LRFN5: variants seen among roughly 807,000 people sequenced by gnomAD.
LRFN5 encodes leucine-rich repeat and fibronectin type-III domain-containing protein 5.
Under a neutral mutation model 45.6 loss-of-function variants are expected in LRFN5, and 24 were observed. The ratio of observed to expected loss-of-function variants is 0.53; its 90% CI spans 0.38 to 0.74. The LOEUF is 0.74. LRFN5 is among the 30% of genes least tolerant of loss of function. The pLI is 0.00. For missense variants in LRFN5, 776 were observed against 861.5 expected (o/e 0.90, Z 1.24); for synonymous variants, 340 against 313.8 (o/e 1.08, Z -0.88).
chr14:41,734,744 C>T (rs563069467), intron 1 of LRFN5, among the ~76,000 whole-genome samples: 1 of 151,546 alleles, frequency 6.6e-6, no homozygotes, highest in South Asian at 2.1e-4. Context: ...TTATCTCTTC[C>T]TTTCTTGCTG....
At chr14:41,748,650 ATGTGT>A (rs1885013954) in intron 1 of LRFN5, among the ~76,000 whole-genome samples, 1 of 152,182 alleles carries the variant, frequency 6.6e-6, no homozygotes, top group African/African-American at 2.4e-5. Flanking sequence ...TAAATAGTAA[ATGTGT>A]TGTGCATTTT....
intron 1 of LRFN5, among the ~76,000 whole-genome samples, chr14:41,660,697 C>T (rs1449069690): frequency 6.6e-6 from 1 of 151,748 alleles, no homozygotes; most frequent in Non-Finnish European, 1.5e-5. Flanking sequence ...TGATTGTTGG[C>T]CGAACATTCC....
At chr14:41,764,770 G>T (rs1294296392) in intron 1 of LRFN5, among the ~76,000 whole-genome samples, 1 of 139,870 alleles carries the variant, frequency 7.1e-6, no homozygotes, top group Non-Finnish European at 1.6e-5. Context: ...TATTGTGCCT[G>T]TATTTACTAA....
chr14:41,764,886 T>TTATATATGCAGAATA (rs1885815615), intron 1 of LRFN5, among the ~76,000 whole-genome samples: 21 of 123,710 alleles, frequency 1.7e-4, no homozygotes, highest in Admixed American at 2.6e-4. Context: ...ACATATATAT[T>TTATATATGCAGAATA]CATATAAATA....
intron 1 of LRFN5, among the ~76,000 whole-genome samples, chr14:41,721,551 T>C (rs1221185894): frequency 6.6e-6 from 1 of 152,154 alleles, no homozygotes; most frequent in East Asian, 1.9e-4. Flanking sequence ...GAATCTTCTT[T>C]AAGGCTGATA....
chr14:41,790,121 T>A (rs1886866676), intron 2 of LRFN5, among the ~76,000 whole-genome samples: 1 of 151,954 alleles, frequency 6.6e-6, no homozygotes, highest in Admixed American at 6.6e-5. Flanking sequence ...TCTTTGATGA[T>A]TAAAGGACTA....
At chr14:41,894,783 T>C in intron 4 of LRFN5, 1 of 982,072 alleles carries the variant, frequency 1.0e-6, no homozygotes, top group South Asian at 4.7e-5. Context: ...AGAATTTTCA[T>C]TTGTTAGTAC....
At chr14:41,775,115 G>T (rs1406222704) in intron 2 of LRFN5, among the ~76,000 whole-genome samples, 8 of 12,880 alleles carry the variant, frequency 6.2e-4, no homozygotes, top group African/African-American at 3.4e-3. Context: ...TTTTGAGACG[G>T]AGTCTCGCTC....
intron 1 of LRFN5, among the ~76,000 whole-genome samples, chr14:41,677,019 A>G (rs1444446607): frequency 1.3e-5 from 2 of 152,248 alleles, no homozygotes; most frequent in Non-Finnish European, 2.9e-5. Flanking sequence ...GACAAAAGGT[A>G]AAAATATAAC....
intron 1 of LRFN5, among the ~76,000 whole-genome samples, chr14:41,734,858 A>G (rs1566643263): frequency 1.3e-5 from 2 of 152,152 alleles, no homozygotes; most frequent in South Asian, 2.1e-4. Context: ...ATGCTTACAT[A>G]AAATATATTG....
chr14:41,882,770 G>C (rs1373175283), intron 2 of LRFN5, among the ~76,000 whole-genome samples: 18 of 150,744 alleles, frequency 1.2e-4, no homozygotes, highest in Admixed American at 1.1e-3. Context: ...TTTATCCCAA[G>C]TTATGTCAGA....
At chr14:41,792,686 G>A (rs1886969854) in intron 2 of LRFN5, among the ~76,000 whole-genome samples, 1 of 151,936 alleles carries the variant, frequency 6.6e-6, no homozygotes, top group African/African-American at 2.4e-5. Context: ...CCTTAGGGTT[G>A]TCTTCCCTTG....
At chr14:41,721,612 C>T (rs1883716824) in intron 1 of LRFN5, among the ~76,000 whole-genome samples, 1 of 152,052 alleles carries the variant, frequency 6.6e-6, no homozygotes, top group Non-Finnish European at 1.5e-5. Context: ...AAAAATGTAT[C>T]TCCTTTGTTA....
chr14:41,806,258 T>G (rs2138980162), intron 2 of LRFN5, among the ~76,000 whole-genome samples: 1 of 152,278 alleles, frequency 6.6e-6, no homozygotes, highest in Non-Finnish European at 1.5e-5. Context: ...TAGATCATTC[T>G]AGGCAACTTA....
chr14:41,898,827 A>T (rs1891018937), intron 4 of LRFN5, 90 bp from the exon 5 acceptor site: 2 of 1,158,332 alleles, frequency 1.7e-6, no homozygotes, highest in Admixed American at 4.4e-5. Context: ...TCTTGATATG[A>T]AGTATTACCA....
At chr14:41,714,482 AT>A (rs890242457) in intron 1 of LRFN5, among the ~76,000 whole-genome samples, 1 of 152,188 alleles carries the variant, frequency 6.6e-6, no homozygotes, top group Non-Finnish European at 1.5e-5. Flanking sequence ...AATTGGATTA[AT>A]TTTTTCCCTT....
intron 1 of LRFN5, among the ~76,000 whole-genome samples, chr14:41,674,836 A>G (rs1261304676): frequency 2.7e-5 from 4 of 146,514 alleles, no homozygotes; most frequent in Admixed American, 6.8e-5. Flanking sequence ...GGGGCTCCTC[A>G]CTTCTCAGAC....
At chr14:41,637,877 C>CCT (rs1879379790) in intron 1 of LRFN5, among the ~76,000 whole-genome samples, 1 of 152,080 alleles carries the variant, frequency 6.6e-6, no homozygotes, top group Admixed American at 6.6e-5. Flanking sequence ...TTGAACAATT[C>CCT]CTCTCTGCCC....
intron 1 of LRFN5, among the ~76,000 whole-genome samples, chr14:41,684,120 G>A (rs1882019070): frequency 6.6e-6 from 1 of 152,064 alleles, no homozygotes; most frequent in South Asian, 2.1e-4. Flanking sequence ...AGAGAATCCA[G>A]AAACAATTTC....
Sources: gnomAD v4.1 joint callset for allele counts (sites outside exome capture counted in the v4.1 genomes callset) on GRCh38, gnomAD v4.1.1 for gene constraint, MANE v1.5 for transcripts, NCBI Gene and HGNC (gene_info 2026-07-23, HGNC 2026-07-21) for gene names.